The following CYFIP1 variants were observed in gnomAD, a reference collection of about 807,000 sequenced individuals.
CYFIP1 encodes the protein cytoplasmic FMR1 interacting protein 1, also known as cytoplasmic FMR1-interacting protein 1.
Under a neutral mutation model 163.5 loss-of-function variants are expected in CYFIP1, and 58 were observed. That is an observed-to-expected ratio of 0.35 (90% CI 0.29 to 0.44). CYFIP1 has a LOEUF of 0.44. Among genes scored for constraint, CYFIP1 ranks in the 20% least tolerant of loss-of-function variants. The pLI is 1.00. For missense variants in CYFIP1, 1,338 were observed against 1,653.8 expected (o/e 0.81, Z 3.31); for synonymous variants, 663 against 660.7 (o/e 1.00, Z -0.05).
chr15:22,870,717 T>C (rs1366404936), intron 30 of CYFIP1, among the ~76,000 whole-genome samples: 1 of 152,148 alleles, frequency 6.6e-6, no homozygotes, highest in African/African-American at 2.4e-5. Flanking sequence ...TGCGCACAAT[T>C]GATAGGCCTA....
intron 23 of CYFIP1, among the ~76,000 whole-genome samples, chr15:22,891,071 G>A (rs1415266869): frequency 2.0e-5 from 3 of 151,234 alleles, no homozygotes; most frequent in African/African-American, 7.3e-5. Flanking sequence ...CCCTAGAGAG[G>A]ATCTGAATTG....
intron 1 of CYFIP1, among the ~76,000 whole-genome samples, chr15:22,961,856 CTTTCTT>C (rs1281118119): frequency 6.6e-6 from 1 of 152,182 alleles, no homozygotes; most frequent in Non-Finnish European, 1.5e-5. Context: ...GGTCAAGCTA[CTTTCTT>C]TTTCATTTCA....
chr15:22,925,482 G>A (rs2061328977), intron 13 of CYFIP1, among the ~76,000 whole-genome samples: 1 of 152,180 alleles, frequency 6.6e-6, no homozygotes, highest in Non-Finnish European at 1.5e-5. Context: ...TCGCATCTCA[G>A]TGTGAAAGCA....
At chr15:22,933,768 A>G (rs774140905) in intron 10 of CYFIP1, 34 bp downstream of exon 10, 36 of 1,533,590 alleles carry the variant, frequency 2.3e-5, no homozygotes, top group Non-Finnish European at 3.1e-5. Context: ...ACACTGCCGA[A>G]AGCTCAAACC....
At chr15:22,950,092 TAAAG>T (rs1215265356) in intron 1 of CYFIP1, among the ~76,000 whole-genome samples, 1 of 152,144 alleles carries the variant, frequency 6.6e-6, no homozygotes, top group African/African-American at 2.4e-5. Flanking sequence ...AGAGCAATGA[TAAAG>T]ATAGTGATCT....
chr15:22,930,389 C>CAAAGAAAAA lies in CYFIP1; in HGVS notation c.1110+1833_1110+1834insTTTTTCTTT, dbSNP rs869052648. 1.3e-4 allele frequency among the ~76,000 whole-genome samples: 15 copies of CAAAGAAAAA among 114,090 alleles called. 1 individual carries two copies. The highest frequency in any genetic ancestry group is 4.1e-4 in the African/African-American group (13 of 31,922). 74.8% of individuals were successfully genotyped at this position (114,090 alleles called of 152,430 possible). On this transcript the variant is annotated intron_variant, in intron 11 of 30. Transcript: ENST00000617928. ...CGACACAGCAAGACTCCGTCTCACC[C>CAAAGAAAAA]AAAAAAAAAAAAAAAAAAAAAAACT... is the stretch of plus-strand genomic sequence containing the variant.
At chr15:22,949,396 G>A (rs909805887) in intron 1 of CYFIP1, among the ~76,000 whole-genome samples, 2 of 152,188 alleles carry the variant, frequency 1.3e-5, no homozygotes, top group African/African-American at 2.4e-5. Flanking sequence ...GTGAAGCCAG[G>A]ACGTGGGCAG....
chr15:22,910,581 G>A lies in CYFIP1; in HGVS notation c.2207C>T (p.Ala736Val), dbSNP rs146828909. The A allele has an allele frequency of 4.0e-5, 64 of 1,614,092 alleles. No homozygotes were observed. Among genetic ancestry groups the A allele is most frequent in the Non-Finnish European group, 4.8e-5 (57 of 1,180,034 alleles). The change falls in exon 20 of 31, where the codon GCC (alanine) becomes GTC (valine). Residue 736 changes from alanine to valine, a missense_variant. Transcript: ENST00000617928. Reference sequence around the variant, plus strand: ...GTTAGACGGCGGGAGGTGGATCGTGGCTCCCTGATTCTTGCATTCTGATCG... The same window carrying A: ...GTTAGACGGCGGGAGGTGGATCGTGACTCCCTGATTCTTGCATTCTGATCG... Reference protein sequence around the residue: ...RLRSECKNQGATIHLPPSNRY... With the variant: ...RLRSECKNQGVTIHLPPSNRY...
intron 24 of CYFIP1, among the ~76,000 whole-genome samples, chr15:22,882,617 C>T (rs1321212652): frequency 2.0e-5 from 3 of 152,120 alleles, no homozygotes; most frequent in African/African-American, 4.8e-5. Context: ...ACAGCCTGAG[C>T]AACATAGCAA....
chr15:22,962,286 C>T (rs77849923), intron 1 of CYFIP1, among the ~76,000 whole-genome samples: 11,077 of 152,148 alleles, frequency 0.073, 503 homozygotes, highest in Non-Finnish European at 0.098. Flanking sequence ...CTGCCCACAC[C>T]GAAAGGCAGA....
intron 1 of CYFIP1, among the ~76,000 whole-genome samples, chr15:22,964,349 TCACTCACACACA>T (rs1273803021): frequency 4.8e-4 from 19 of 39,582 alleles, no homozygotes; most frequent in East Asian, 2.1e-3. Flanking sequence ...CGCAACCTCA[TCACTCACACACA>T]CACACACACA....
chr15:22,952,697 T>C (rs992198627), intron 1 of CYFIP1, among the ~76,000 whole-genome samples: 2 of 67,942 alleles, frequency 2.9e-5, no homozygotes, highest in Non-Finnish European at 6.3e-5. Flanking sequence ...GGGTAAAGTT[T>C]ATGTTATGCA....
chr15:22,946,467 C>A (rs1200406250), intron 3 of CYFIP1, among the ~76,000 whole-genome samples: 1 of 151,848 alleles, frequency 6.6e-6, no homozygotes, highest in African/African-American at 2.4e-5. Context: ...ATGGTGAAAC[C>A]CTGTCTCTAC....
chr15:22,883,761 G>A (rs2059848184), intron 23 of CYFIP1, among the ~76,000 whole-genome samples: 1 of 146,998 alleles, frequency 6.8e-6, no homozygotes. Flanking sequence ...AGCTTGCAGT[G>A]AGCCGAGATC....
chr15:22,889,113 G>A (rs937352520), intron 23 of CYFIP1, among the ~76,000 whole-genome samples: 18 of 151,854 alleles, frequency 1.2e-4, no homozygotes, highest in Middle Eastern at 3.2e-3. Flanking sequence ...TAACAAAAAC[G>A]ACACAAACAG....
At chr15:22,913,729 G>C (rs1408082008) in intron 17 of CYFIP1, among the ~76,000 whole-genome samples, 1 of 151,888 alleles carries the variant, frequency 6.6e-6, no homozygotes, top group Non-Finnish European at 1.5e-5. Flanking sequence ...CTGGACAAAG[G>C]CCATGGCCAG....
chr15:22,908,288 G>C (rs549019824), intron 21 of CYFIP1, among the ~76,000 whole-genome samples: 81 of 152,210 alleles, frequency 5.3e-4, no homozygotes, highest in African/African-American at 2.0e-3. Flanking sequence ...GCTTGCCTCT[G>C]TAGGCTCCGT....
rs1276549240 is a variant in CYFIP1 at position 22,867,322 on chromosome 15, T to TTTTA, written c.*2702_*2705dup. The TTTTA allele has an allele frequency of 2.8e-5, 11 of 397,556 alleles. No homozygotes were observed. The highest frequency in any genetic ancestry group is 1.8e-4 in the Admixed American group (4 of 22,698). The allele number at this position is 397,556 out of a possible 1,614,324, so 24.6% of individuals were successfully genotyped here. A position where few individuals can be genotyped will look rare whatever the true frequency, so the allele number is the denominator to read the frequency against. ...CTCCTGTTTGTTTGATGATGATTGG[T>TTTTA]TTTATTTTTGAAATATTTATTAAGG... On this transcript the variant is annotated 3_prime_UTR_variant, in exon 31 of 31. Transcript: ENST00000617928.
chr15:22,966,200 C>T (rs1299945646), intron 1 of CYFIP1, among the ~76,000 whole-genome samples: 1 of 150,594 alleles, frequency 6.6e-6, no homozygotes, highest in African/African-American at 2.4e-5. Context: ...AAAAAAAATA[C>T]AAAATTAGCC....
Sources: gnomAD v4.1 joint callset for allele counts (sites outside exome capture counted in the v4.1 genomes callset) on GRCh38, gnomAD v4.1.1 for gene constraint, MANE v1.5 for transcripts, NCBI Gene and HGNC (gene_info 2026-07-23, HGNC 2026-07-21) for gene names.